PHLPP2: variants seen among roughly 807,000 people sequenced by gnomAD.
PHLPP2 encodes the protein PH domain and leucine rich repeat protein phosphatase 2, also known as PH domain leucine-rich repeat-containing protein phosphatase 2.
In PHLPP2, 66 loss-of-function variants were observed where a neutral mutation model predicts 124.9. The ratio of observed to expected loss-of-function variants is 0.53; its 90% CI spans 0.43 to 0.65. The LOEUF is 0.65. Among genes scored for constraint, PHLPP2 ranks in the 30% least tolerant of loss-of-function variants. PHLPP2 has a pLI of 0.00. For synonymous variants in PHLPP2, 681 were observed against 624.7 expected (o/e 1.09, Z -1.34); for missense variants, 1,685 against 1,600.4 (o/e 1.05, Z -0.90).
chr16:71,675,725 T>C (rs1452443333), intron 9 of PHLPP2, among the ~76,000 whole-genome samples: 1 of 152,146 alleles, frequency 6.6e-6, no homozygotes, highest in Non-Finnish European at 1.5e-5. Context: ...TTCTTCTTTC[T>C]TTTTTTGAGA....
intron 3 of PHLPP2, among the ~76,000 whole-genome samples, chr16:71,690,987 G>T (rs1045572111): frequency 6.6e-6 from 1 of 152,188 alleles, no homozygotes; most frequent in Non-Finnish European, 1.5e-5. Flanking sequence ...CCCAGAGAAA[G>T]GCAGTATGGT....
intron 3 of PHLPP2, among the ~76,000 whole-genome samples, chr16:71,691,934 A>C (rs1214355955): frequency 6.6e-6 from 1 of 152,244 alleles, no homozygotes; most frequent in East Asian, 1.9e-4. Context: ...TGTGTCTTAA[A>C]AACAAAAAAA....
intron 17 of PHLPP2, among the ~76,000 whole-genome samples, chr16:71,654,219 A>C (rs1338574760): frequency 1.3e-5 from 2 of 150,312 alleles, no homozygotes; most frequent in South Asian, 2.1e-4. Flanking sequence ...AAAAAAAAAA[A>C]AAAAAAAAAC....
At chr16:71,682,218 G>GT (rs537663645) in intron 5 of PHLPP2, among the ~76,000 whole-genome samples, 1,500 of 134,612 alleles carry the variant, frequency 0.011, 20 homozygotes, top group South Asian at 0.043. Context: ...TTGTTTTTGG[G>GT]TTTTTTTTTT....
At position 71,648,970 on chromosome 16, in the gene PHLPP2, G is replaced by A; in HGVS notation, c.3892C>T (p.His1298Tyr). ...EEEVKEQMKQ[H>Y]QDSRLEPEPH... ...TCAGGCTCGAGCCGGCTGTCCTGGT[G>A]CTGTTTCATTTGTTCCTTCACTTCT... The change falls in exon 19 of 19, where the codon CAC becomes TAC. Residue 1298 changes from histidine (H) to tyrosine (Y), a missense_variant. His to Tyr is a moderately conservative substitution (Grantham distance 83, BLOSUM62 2). Transcript: ENST00000568954. 1.2e-6 allele frequency: 2 copies of A among 1,614,032 alleles called. No individual in the cohort carries two copies. Among genetic ancestry groups the A allele is most frequent in the South Asian group, 1.1e-5 (1 of 91,068 alleles).
intron 13 of PHLPP2, among the ~76,000 whole-genome samples, chr16:71,659,666 G>C (rs1427387317): frequency 6.6e-6 from 1 of 152,180 alleles, no homozygotes; most frequent in Non-Finnish European, 1.5e-5. Flanking sequence ...GTGCTGTGAG[G>C]CAAGTGATTC....
intron 11 of PHLPP2, among the ~76,000 whole-genome samples, chr16:71,668,343 G>A (rs2044857564): frequency 6.7e-6 from 1 of 148,252 alleles, no homozygotes; most frequent in Non-Finnish European, 1.5e-5. Flanking sequence ...GTGAACTCAG[G>A]AGGCAGAGCT....
intron 4 of PHLPP2, among the ~76,000 whole-genome samples, chr16:71,685,321 C>T (rs1040307539): frequency 2.0e-5 from 3 of 152,080 alleles, no homozygotes; most frequent in African/African-American, 4.8e-5. Flanking sequence ...TGCGAGACTC[C>T]GTCTCAAACA....
chr16:71,701,376 T>G (rs1229880845), intron 3 of PHLPP2, among the ~76,000 whole-genome samples: 1 of 152,058 alleles, frequency 6.6e-6, no homozygotes, highest in African/African-American at 2.4e-5. Context: ...CCAGGTACAT[T>G]ATTACTTTTC....
In PHLPP2 at chr16:71,648,493, G is replaced by A. The variant is rs565549181; in HGVS notation, c.*397C>T. 82 of 199,028 alleles carry A rather than the reference G, an allele frequency of 4.1e-4. 1 individual carries two copies. In the Middle Eastern group the frequency reaches 0.023, roughly 57 times the overall value. The allele number at this position is 199,028 out of a possible 1,614,324, so 12.3% of individuals were successfully genotyped here. ...GTTTAGAAATGTAGACGCAGGGCTGGGCATGGTGGCTGAGGCCTGTAATCA... is the reference window on the plus strand; with the variant it reads ...GTTTAGAAATGTAGACGCAGGGCTGAGCATGGTGGCTGAGGCCTGTAATCA... On this transcript the variant is annotated 3_prime_UTR_variant, in exon 19 of 19. Transcript: ENST00000568954.
intron 3 of PHLPP2, among the ~76,000 whole-genome samples, chr16:71,696,298 C>T (rs937148224): frequency 6.6e-6 from 1 of 152,156 alleles, no homozygotes; most frequent in Non-Finnish European, 1.5e-5. Context: ...AAATCAACTA[C>T]ACACTAGTAA....
At chr16:71,680,082 C>CAA (rs879593771) in intron 6 of PHLPP2, among the ~76,000 whole-genome samples, 2 of 130,634 alleles carry the variant, frequency 1.5e-5, no homozygotes, top group African/African-American at 5.7e-5. Flanking sequence ...GACTCTGTCT[C>CAA]AAAAAAAAAA....
chr16:71,661,088 A>C (rs1217028615), intron 13 of PHLPP2, among the ~76,000 whole-genome samples: 6 of 132,078 alleles, frequency 4.5e-5, no homozygotes, highest in Admixed American at 1.6e-4. Flanking sequence ...TTTTTTTGAG[A>C]TAGGGTCCCG....
intron 5 of PHLPP2, among the ~76,000 whole-genome samples, chr16:71,682,215 T>G (rs2045006531): frequency 6.7e-6 from 1 of 150,064 alleles, no homozygotes; most frequent in African/African-American, 2.4e-5. Flanking sequence ...GTTTTGTTTT[T>G]GGGTTTTTTT....
chr16:71,692,652 C>T (rs2045126568), intron 3 of PHLPP2, among the ~76,000 whole-genome samples: 1 of 152,006 alleles, frequency 6.6e-6, no homozygotes, highest in African/African-American at 2.4e-5. Flanking sequence ...CAGGACCTCC[C>T]CAAGGATACC....
In PHLPP2 at chr16:71,646,132, T is replaced by A. The variant is rs2044651682; in HGVS notation, c.*2758A>T. On this transcript the variant is annotated 3_prime_UTR_variant, in exon 19 of 19. Transcript: ENST00000568954. Reference sequence around the variant, plus strand: ...CTGGGTAAAGTACTCGGAAGTAAATTACATTCACCTGGAGACAGATACGGG... The same window carrying A: ...CTGGGTAAAGTACTCGGAAGTAAATAACATTCACCTGGAGACAGATACGGG... 6.6e-6 allele frequency: 1 copy of A among 152,630 alleles called. No individual in the cohort carries two copies. The highest frequency in any genetic ancestry group is 1.5e-5 in the Non-Finnish European group (1 of 68,044). 9.5% of individuals were successfully genotyped at this position (152,630 alleles called of 1,614,324 possible).
intron 2 of PHLPP2, among the ~76,000 whole-genome samples, chr16:71,710,692 A>C (rs902909370): frequency 2.0e-5 from 3 of 152,248 alleles, no homozygotes; most frequent in African/African-American, 4.8e-5. Flanking sequence ...CTACTGAATC[A>C]GAATCTGTAC....
At chr16:71,663,643 T>C (rs1160477195) in intron 13 of PHLPP2, among the ~76,000 whole-genome samples, 4 of 152,236 alleles carry the variant, frequency 2.6e-5, no homozygotes, top group South Asian at 2.1e-4. Context: ...CCTGTACTTT[T>C]CTAGATTGAC....
At chr16:71,675,905 G>C (rs1484569966) in intron 9 of PHLPP2, among the ~76,000 whole-genome samples, 2 of 152,016 alleles carry the variant, frequency 1.3e-5, no homozygotes, top group African/African-American at 4.8e-5. Flanking sequence ...ATTTTTTGTA[G>C]AAATGGGGTT....
Sources: allele counts gnomAD v4.1 joint callset (sites outside exome capture counted in the v4.1 genomes callset), GRCh38; gene constraint gnomAD v4.1.1; transcripts MANE v1.5; gene names NCBI Gene and HGNC (gene_info 2026-07-23, HGNC 2026-07-21).